TMEM50B: variants seen among roughly 807,000 people sequenced by gnomAD.
TMEM50B encodes HCV p7-trans-regulated protein 3.
Under a neutral mutation model 23.4 loss-of-function variants are expected in TMEM50B, and 14 were observed. That is an observed-to-expected ratio of 0.60 (90% CI 0.39 to 0.93). TMEM50B has a LOEUF of 0.93. TMEM50B is among the 40% of genes least tolerant of loss of function. TMEM50B has a pLI of 0.00. For synonymous variants in TMEM50B, 64 were observed against 62.3 expected, an observed-to-expected ratio of 1.03 and a Z score of -0.13; for missense variants, 159 against 193.0, an observed-to-expected ratio of 0.82 and a Z score of 1.04.
intron 4 of TMEM50B, among the ~76,000 whole-genome samples, chr21:33,461,602 G>A (rs1025455887): frequency 2.0e-5 from 3 of 151,988 alleles, no homozygotes; most frequent in African/African-American, 4.8e-5. Context: ...TCAGGAGTTC[G>A]AGACCAGCCT....
At chr21:33,440,742 C>T (rs1162756466) in intron 7 of TMEM50B, among the ~76,000 whole-genome samples, 1 of 151,536 alleles carries the variant, frequency 6.6e-6, no homozygotes, top group Non-Finnish European at 1.5e-5. Context: ...ATTAGCTGGG[C>T]GTGGTGATGT....
At chr21:33,445,374 G>C (rs1241820643), downstream of TMEM50B, among the ~76,000 whole-genome samples, 1 of 152,242 alleles carries the variant, frequency 6.6e-6, no homozygotes, top group Admixed American at 6.5e-5. Flanking sequence ...CTTAAGCTGT[G>C]ATAAAAGTGC....
At chr21:33,457,233 G>A (rs2084177133) in intron 5 of TMEM50B, among the ~76,000 whole-genome samples, 1 of 151,870 alleles carries the variant, frequency 6.6e-6, no homozygotes, top group African/African-American at 2.4e-5. Context: ...TAGCCTGGAC[G>A]ACAGGGCGAA....
At chr21:33,435,929 C>T (rs948657357) in intron 8 of TMEM50B, among the ~76,000 whole-genome samples, 5 of 148,018 alleles carry the variant, frequency 3.4e-5, no homozygotes, top group Non-Finnish European at 5.9e-5. Context: ...TGGTGGTGCA[C>T]GCCTGCAATC....
intron 1 of TMEM50B, among the ~76,000 whole-genome samples, chr21:33,471,428 T>C (rs572320936): frequency 5.9e-5 from 9 of 152,124 alleles, no homozygotes; most frequent in Non-Finnish European, 1.3e-4. Flanking sequence ...TCAATAGAAA[T>C]AAATCCCAAA....
intron 1 of TMEM50B, chr21:33,479,124 C>A (rs575266793): frequency 4.2e-6 from 1 of 238,688 alleles, no homozygotes; most frequent in Non-Finnish European, 8.6e-6. Context: ...AATTTCAGCA[C>A]CTTCCAACTT....
rs1014915944 is a variant in TMEM50B, at chr21:33,432,555, G to A, written c.*2368C>T. On this transcript the variant is annotated 3_prime_UTR_variant and NMD_transcript_variant, in exon 9 of 9. Coordinates refer to the TMEM50B transcript ENST00000420455. ...TTATTTCATTACAGGATTGACTTTA[G>A]CTATTAATGTAAGCATACCAGGTGA... 5.7e-5 allele frequency: 51 copies of A among 900,586 alleles called. No individual in the cohort carries two copies. In the Admixed American group the frequency reaches 9.4e-4, roughly 17 times the overall value. 55.8% of individuals were successfully genotyped at this position (900,586 alleles called of 1,614,324 possible).
chr21:33,469,847 A>C (rs2084296845), intron 1 of TMEM50B, among the ~76,000 whole-genome samples: 1 of 152,202 alleles, frequency 6.6e-6, no homozygotes, highest in Admixed American at 6.6e-5. Context: ...AAGGCACCAG[A>C]TATATGGAGC....
At chr21:33,461,961 G>A (rs1055532631) in intron 4 of TMEM50B, among the ~76,000 whole-genome samples, 4 of 151,996 alleles carry the variant, frequency 2.6e-5, no homozygotes. Flanking sequence ...AGAAAAAGAA[G>A]TATGCTTTTG....
downstream of TMEM50B, among the ~76,000 whole-genome samples, chr21:33,446,224 AT>A (rs1225587398): frequency 7.1e-6 from 1 of 141,500 alleles, no homozygotes; most frequent in Non-Finnish European, 1.5e-5. Flanking sequence ...TTTTTCTTTT[AT>A]TTTTTTTATT....
chr21:33,455,900 T>C, intron 5 of TMEM50B, 116 bp from the exon 6 acceptor site: 1 of 792,118 alleles, frequency 1.3e-6, no homozygotes, highest in Non-Finnish European at 2.2e-6. Flanking sequence ...CTATTATTCA[T>C]TAACTGTAAG....
intron 1 of TMEM50B, among the ~76,000 whole-genome samples, chr21:33,471,720 T>A (rs1003598269): frequency 6.6e-5 from 10 of 151,768 alleles, no homozygotes; most frequent in Admixed American, 6.6e-5. Flanking sequence ...AAAAATAAAT[T>A]AAAATGTAAA....
At chr21:33,448,122 T>C (rs1187606398), downstream of TMEM50B, among the ~76,000 whole-genome samples, 1 of 151,704 alleles carries the variant, frequency 6.6e-6, no homozygotes, top group East Asian at 1.9e-4. Context: ...GCCTCCCGAG[T>C]AGCTGGGATT....
At position 33,468,896 on chromosome 21, in the gene TMEM50B, T is replaced by A; in HGVS notation, c.-11A>T. ...TAGGAAGCCTGCCATTTTTACTTCT[T>A]AAGCATAAATTTTTCATTAAATGCT... On this transcript the variant is annotated 5_prime_UTR_variant, in exon 2 of 7. An upstream open reading frame in the 5' UTR gains an earlier in-frame stop. Coordinates refer to ENST00000542230, the MANE Select transcript of TMEM50B (RefSeq NM_006134.7). 1 of 1,604,918 alleles carries A rather than the reference T, an allele frequency of 6.2e-7. No homozygotes were observed.
chr21:33,433,021 T>G, intron 8 of TMEM50B: 5 of 705,070 alleles, frequency 7.1e-6, no homozygotes, highest in South Asian at 3.3e-5. Context: ...GAGTAGCTGG[T>G]ATTACAAGTG....
At chr21:33,469,071 G>C (rs1388528190) in intron 1 of TMEM50B, 145 bp from the exon 2 acceptor site, 8 of 599,492 alleles carry the variant, frequency 1.3e-5, no homozygotes, top group Non-Finnish European at 2.3e-5. Flanking sequence ...ACTTCAACAA[G>C]TACCTAATTG....
chr21:33,443,352 T>C (rs2084023925), intron 7 of TMEM50B, among the ~76,000 whole-genome samples: 1 of 149,276 alleles, frequency 6.7e-6, no homozygotes, highest in African/African-American at 2.5e-5. Context: ...GCCAGCCCCA[T>C]GCTAACTACT....
rs542464297 is a variant in TMEM50B at position 33,449,495 on chromosome 21, A to T, written c.*1323T>A. On this transcript the variant is annotated 3_prime_UTR_variant, in exon 7 of 7. Transcript: ENST00000542230. Reference sequence around the variant, plus strand: ...AACAAAGGAAAGCAAAAGTAGCAATAAGGGCCCAGAGGAATACAAACAGTG... The same window carrying T: ...AACAAAGGAAAGCAAAAGTAGCAATTAGGGCCCAGAGGAATACAAACAGTG... 6.6e-6 allele frequency: 1 copy of T among 152,586 alleles called. No homozygotes were observed. Among genetic ancestry groups the T allele is most frequent in the Non-Finnish European group, 1.5e-5 (1 of 68,048 alleles). The allele number at this position is 152,586 out of a possible 1,614,324, so 9.5% of individuals were successfully genotyped here. A position where few individuals can be genotyped will look rare whatever the true frequency, so the allele number is the denominator to read the frequency against.
At chr21:33,478,349 C>A (rs1412464227) in intron 1 of TMEM50B, among the ~76,000 whole-genome samples, 3 of 151,930 alleles carry the variant, frequency 2.0e-5, no homozygotes, top group Non-Finnish European at 4.4e-5. Flanking sequence ...CGCCTGTGAT[C>A]CCAGCTACTC....
Sources: gnomAD v4.1 joint callset for allele counts (sites outside exome capture counted in the v4.1 genomes callset) on GRCh38, gnomAD v4.1.1 for gene constraint, MANE v1.5 for transcripts, NCBI Gene and HGNC (gene_info 2026-07-23, HGNC 2026-07-21) for gene names.